Variants in FGF12 observed in about 807,000 individuals in gnomAD.
The protein encoded by FGF12 is fibroblast growth factor 12, also known as fibroblast growth factor 12B.
A neutral mutation model predicts 23.6 loss-of-function variants in FGF12; 14 were observed. The ratio of observed to expected loss-of-function variants is 0.59; its 90% confidence interval spans 0.39 to 0.93. The LOEUF is 0.93. Among genes scored for constraint, FGF12 ranks in the 40% least tolerant of loss-of-function variants. The probability of loss-of-function intolerance (pLI) is 0.00; values close to 1 mark genes in which losing one functional copy is unlikely to be tolerated. For missense variants in FGF12, 175 were observed against 217.8 expected (o/e 0.80, Z 1.24); for synonymous variants, 62 against 77.3 (o/e 0.80, Z 1.04).
Position 192,220,396 on chromosome 3 carries a change from T to C in FGF12, c.229-49740A>G, listed in dbSNP as rs190577266. On this transcript the variant is annotated intron_variant, in intron 4 of 5. Transcript: ENST00000445105. ...TCCTACTCCATATTGACTTTTAACT[T>C]TATGTTTCAACTTATGCTTTCATTC... 2.6e-4 allele frequency among the ~76,000 whole-genome samples: 39 copies of C among 152,320 alleles called. 1 individual carries two copies. In the East Asian group the frequency reaches 7.1e-3, roughly 28 times the overall value.
intron 4 of FGF12, among the ~76,000 whole-genome samples, chr3:192,257,002 T>C (rs1352434491): frequency 6.6e-6 from 1 of 152,158 alleles, no homozygotes; most frequent in Admixed American, 6.6e-5. Context: ...TCCCATAAGC[T>C]CATAAATTGT....
chr3:192,219,885 C>G (rs1272030574), intron 4 of FGF12, among the ~76,000 whole-genome samples: 3 of 152,214 alleles, frequency 2.0e-5, no homozygotes, highest in Non-Finnish European at 4.4e-5. Context: ...TGAAGATCCT[C>G]TAACTGAGTT....
chr3:192,237,324 T>C (rs1197255072), intron 4 of FGF12, among the ~76,000 whole-genome samples: 3 of 152,158 alleles, frequency 2.0e-5, no homozygotes, highest in South Asian at 2.1e-4. Flanking sequence ...GGGATGGTCA[T>C]CTTGTATAGT....
chr3:192,533,698 T>C (rs1725151871), intron 2 of FGF12, among the ~76,000 whole-genome samples: 1 of 152,178 alleles, frequency 6.6e-6, no homozygotes, highest in South Asian at 2.1e-4. Context: ...CTATGTCTCT[T>C]CTAGTTTATT....
intron 2 of FGF12, among the ~76,000 whole-genome samples, chr3:192,542,353 A>G (rs1725390632): frequency 6.6e-6 from 1 of 152,048 alleles, no homozygotes; most frequent in Admixed American, 6.6e-5. Flanking sequence ...TTTTTTAATT[A>G]TTTGAATTCC....
intron 2 of FGF12, among the ~76,000 whole-genome samples, chr3:192,648,037 T>G (rs1175748441): frequency 6.6e-6 from 1 of 151,990 alleles, no homozygotes; most frequent in Admixed American, 6.6e-5. Flanking sequence ...AGGGTCAAAA[T>G]GAGGCTTGGA....
At chr3:192,251,279 A>C (rs1711991946) in intron 4 of FGF12, among the ~76,000 whole-genome samples, 1 of 152,194 alleles carries the variant, frequency 6.6e-6, no homozygotes, top group African/African-American at 2.4e-5. Flanking sequence ...GTCATTGATG[A>C]GAACCCACTT....
At chr3:192,145,681 A>G (rs1311203339) in intron 5 of FGF12, among the ~76,000 whole-genome samples, 1 of 152,248 alleles carries the variant, frequency 6.6e-6, no homozygotes, top group East Asian at 1.9e-4. Flanking sequence ...AAATATTTCA[A>G]TTACTGCACG....
At position 192,360,382 on chromosome 3, in the gene FGF12, C is replaced by T; in HGVS notation, c.124+46G>A. 1 of 1,334,522 alleles carries T rather than the reference C, an allele frequency of 7.5e-7. No individual in the cohort carries two copies. Among genetic ancestry groups the T allele is most frequent in the Non-Finnish European group, 1.1e-6 (1 of 925,848 alleles). 82.7% of individuals were successfully genotyped at this position (1,334,522 alleles called of 1,614,324 possible). ...CTTTAAGTATAAGATACACTGGGCC[C>T]TACATTTGATTTGTAATCAGATTGT... On this transcript the variant is annotated intron_variant, in intron 3 of 5. Coordinates refer to ENST00000445105, the MANE Select transcript of FGF12 (RefSeq NM_004113.6). The surrounding 1 kb of genome is among the most constrained non-coding windows in gnomAD (Gnocchi z 4.3).
chr3:192,466,439 T>C (rs965625321), intron 2 of FGF12, among the ~76,000 whole-genome samples: 1 of 152,106 alleles, frequency 6.6e-6, no homozygotes, highest in Non-Finnish European at 1.5e-5. Context: ...TTCACACATA[T>C]GCAGTGGCTG....
At chr3:192,445,679 T>A (rs1722333364) in intron 2 of FGF12, among the ~76,000 whole-genome samples, 1 of 152,146 alleles carries the variant, frequency 6.6e-6, no homozygotes, top group African/African-American at 2.4e-5. Context: ...TCAGAATACA[T>A]GCAGCAGCGT....
chr3:192,608,392 G>A lies in FGF12; in HGVS notation c.13+118789C>T, dbSNP rs1714425494. Reference sequence around the variant, plus strand: ...TATGATTATTATGCATTGCATGCCTGTATCAAAATATCTCATGTGCTCTGT... The same window carrying A: ...TATGATTATTATGCATTGCATGCCTATATCAAAATATCTCATGTGCTCTGT... On this transcript the variant is annotated intron_variant, in intron 2 of 5. Transcript: ENST00000445105. Among the ~76,000 whole-genome samples, 11 of 152,192 alleles carry A rather than the reference G, an allele frequency of 7.2e-5. No individual in the cohort carries two copies. In the South Asian group the frequency reaches 2.3e-3, roughly 32 times the overall value.
At position 192,408,865 on chromosome 3, in the gene FGF12, C is replaced by G; in HGVS notation, c.14-48327G>C. 1.0e-6 allele frequency: 1 copy of G among 985,448 alleles called. No individual in the cohort carries two copies. Among genetic ancestry groups the G allele is most frequent in the Non-Finnish European group, 1.2e-6 (1 of 829,996 alleles). 61.0% of individuals were successfully genotyped at this position (985,448 alleles called of 1,614,324 possible). ...CCGCGGTTCTGAAGATTAGGAGGTC[C>G]GTCCCAGCAGGGTGAGGTCTACAGA... On this transcript the variant is annotated intron_variant, in intron 2 of 5. Transcript: ENST00000445105. This position sits in a 1 kb window ranked among gnomAD's most constrained non-coding sequence, Gnocchi z 7.3.
rs1721076018 is a variant in FGF12, at chr3:192,408,814, A to AGG, written c.14-48277_14-48276insCC. On this transcript the variant is annotated intron_variant, in intron 2 of 5. Transcript: ENST00000445105. This position sits in a 1 kb window ranked among gnomAD's most constrained non-coding sequence, Gnocchi z 7.3. ...ACCAACCGCACGAGAGAAGGAGAGG[A>AGG]AGGCAGCAATTTAACTCCCTGCGGC... 1 of 985,596 alleles carries AGG rather than the reference A, an allele frequency of 1.0e-6. No individual in the cohort carries two copies. The highest frequency in any genetic ancestry group is 1.7e-5 in the African/African-American group (1 of 57,232). 61.1% of individuals were successfully genotyped at this position (985,596 alleles called of 1,614,324 possible). A position where few individuals can be genotyped will look rare whatever the true frequency, so the allele number is the denominator to read the frequency against.
chr3:192,492,574 T>G (rs1723831352), intron 2 of FGF12, among the ~76,000 whole-genome samples: 1 of 151,858 alleles, frequency 6.6e-6, no homozygotes, highest in Non-Finnish European at 1.5e-5. Flanking sequence ...ATGAAACTGT[T>G]AAAAAAAAGT....
intron 5 of FGF12, among the ~76,000 whole-genome samples, chr3:192,166,480 G>A (rs1346417987): frequency 6.6e-6 from 1 of 152,198 alleles, no homozygotes; most frequent in African/African-American, 2.4e-5. Flanking sequence ...TCAGACTGTA[G>A]CCTGTCTTAC....
At position 192,360,277 on chromosome 3, in the gene FGF12, G is replaced by C; in HGVS notation, c.124+151C>G. On this transcript the variant is annotated intron_variant, in intron 3 of 5. Transcript: ENST00000445105. This position sits in a 1 kb window ranked among gnomAD's most constrained non-coding sequence, Gnocchi z 4.3. Reference sequence around the variant, plus strand: ...TCTTTGCTGTAGGAAATCATAGCAAGAAGGATAAAGGAAAAGACACTAGCT... The same window carrying C: ...TCTTTGCTGTAGGAAATCATAGCAACAAGGATAAAGGAAAAGACACTAGCT... The C allele has an allele frequency of 1.1e-5, 7 of 620,188 alleles. No individual in the cohort carries two copies. In the South Asian group the frequency reaches 1.2e-4, roughly 11 times the overall value. The allele number at this position is 620,188 out of a possible 1,614,324, so 38.4% of individuals were successfully genotyped here.
At chr3:192,616,184 T>C (rs1560170221) in intron 2 of FGF12, among the ~76,000 whole-genome samples, 1 of 152,084 alleles carries the variant, frequency 6.6e-6, no homozygotes, top group Non-Finnish European at 1.5e-5. Flanking sequence ...TTGGAATCAT[T>C]GGCAAAGAAA....
chr3:192,288,752 T>G (rs1360720145), intron 4 of FGF12, among the ~76,000 whole-genome samples: 2 of 152,164 alleles, frequency 1.3e-5, no homozygotes, highest in African/African-American at 4.8e-5. Flanking sequence ...AAAACTAGTT[T>G]GTGCTGGTTA....
Sources: gnomAD v4.1 joint callset for allele counts (sites outside exome capture counted in the v4.1 genomes callset) on GRCh38, gnomAD v4.1.1 for gene constraint, Gnocchi (gnomAD v3.1) non-coding constraint, MANE v1.5 for transcripts, NCBI Gene and HGNC (gene_info 2026-07-23, HGNC 2026-07-21) for gene names.